FAM168A: variants seen among roughly 807,000 people sequenced by gnomAD.
The protein encoded by FAM168A is family with sequence similarity 168 member A.
A neutral mutation model predicts 28.5 loss-of-function variants in FAM168A; 3 were observed. The ratio of observed to expected loss-of-function variants is 0.11; its 90% confidence interval spans 0.05 to 0.27. The LOEUF (loss-of-function observed/expected upper bound fraction) is 0.27. FAM168A is among the 10% of genes least tolerant of loss of function. The pLI, the probability that FAM168A is intolerant of heterozygous loss-of-function variation, is 1.00. For missense variants in FAM168A, 222 were observed against 311.5 expected (o/e 0.71, Z 2.16); for synonymous variants, 122 against 124.2 (o/e 0.98, Z 0.12).
At position 73,426,755 on chromosome 11, in the gene FAM168A, G is replaced by A. The variant is rs553562934; in HGVS notation, c.151+3935C>T. ...TGTGTAAGTAACTCAAAGGGAAAGG[G>A]ATCTTCCCAAGGTTGCACCAAAATC... On this transcript the variant is annotated intron_variant, in intron 3 of 7. Transcript: ENST00000356467. Among the ~76,000 whole-genome samples, 4 of 146,650 alleles carry A rather than the reference G, an allele frequency of 2.7e-5. No individual in the cohort carries two copies. The East Asian group carries it at 5.9e-4, about 22-fold the overall frequency.
chr11:73,437,791 C>A lies in FAM168A; in HGVS notation c.71-7021G>T, dbSNP rs146279410. Reference sequence around the variant, plus strand: ...TGGTCCTAGTTCTACCCTCACAGAACATGTCTGTTTCCTCTCCTCCTGGAC... The same window carrying A: ...TGGTCCTAGTTCTACCCTCACAGAAAATGTCTGTTTCCTCTCCTCCTGGAC... On this transcript the variant is annotated intron_variant, in intron 2 of 7. Coordinates refer to ENST00000356467, the MANE Select transcript of FAM168A (RefSeq NM_015159.3). Among the ~76,000 whole-genome samples the A allele has an allele frequency of 5.6e-4, 85 of 152,224 alleles. 1 individual carries two copies. In the East Asian group the frequency reaches 0.016, roughly 28 times the overall value.
At chr11:73,521,939 A>G (rs1453534516) in intron 1 of FAM168A, among the ~76,000 whole-genome samples, 2 of 152,236 alleles carry the variant, frequency 1.3e-5, no homozygotes, top group African/African-American at 4.8e-5. Flanking sequence ...TGGGAACAGT[A>G]GAGTTCAACA....
At chr11:73,563,903 AAT>A (rs1244651732) in intron 1 of FAM168A, among the ~76,000 whole-genome samples, 2 of 152,246 alleles carry the variant, frequency 1.3e-5, no homozygotes, top group African/African-American at 2.4e-5. Context: ...TTACTGACTT[AAT>A]TAACTGAGGC....
chr11:73,567,512 C>T (rs918791706), intron 1 of FAM168A, among the ~76,000 whole-genome samples: 1 of 152,144 alleles, frequency 6.6e-6, no homozygotes, highest in African/African-American at 2.4e-5. Flanking sequence ...TTACCCTCTA[C>T]CTATGACTCT....
intron 1 of FAM168A, among the ~76,000 whole-genome samples, chr11:73,476,688 AC>A (rs1867893367): frequency 6.6e-6 from 1 of 152,196 alleles, no homozygotes; most frequent in African/African-American, 2.4e-5. Context: ...TTAAAAAAAA[AC>A]TAAAGAAAAC....
intron 1 of FAM168A, among the ~76,000 whole-genome samples, chr11:73,509,674 T>A (rs561622968): frequency 2.6e-4 from 39 of 152,186 alleles, no homozygotes; most frequent in African/African-American, 8.7e-4. Context: ...AAAAATTAAA[T>A]CCCCAAATCT....
intron 1 of FAM168A, among the ~76,000 whole-genome samples, chr11:73,474,390 T>C (rs1867859802): frequency 6.6e-6 from 1 of 152,058 alleles, no homozygotes; most frequent in Non-Finnish European, 1.5e-5. Flanking sequence ...GCAATGTCTA[T>C]TCACAGGCAC....
chr11:73,505,741 A>G (rs1855104571), intron 1 of FAM168A, among the ~76,000 whole-genome samples: 1 of 152,140 alleles, frequency 6.6e-6, no homozygotes, highest in Non-Finnish European at 1.5e-5. Flanking sequence ...TTTGTGAAGT[A>G]CTTGGTGTAC....
chr11:73,467,716 G>T (rs1240763381), intron 2 of FAM168A, among the ~76,000 whole-genome samples: 3 of 152,202 alleles, frequency 2.0e-5, no homozygotes, highest in African/African-American at 4.8e-5. Context: ...GTTCCCTCTG[G>T]CAGAGGAACT....
intron 1 of FAM168A, among the ~76,000 whole-genome samples, chr11:73,528,028 AC>A (rs2134660428): frequency 6.6e-6 from 1 of 152,328 alleles, no homozygotes; most frequent in South Asian, 2.1e-4. Flanking sequence ...ATGAGAGCAC[AC>A]CTTCATGTCA....
At chr11:73,564,467 A>ATG (rs1389992709) in intron 1 of FAM168A, among the ~76,000 whole-genome samples, 1 of 151,820 alleles carries the variant, frequency 6.6e-6, no homozygotes, top group Non-Finnish European at 1.5e-5. Context: ...GGCCAGGCGC[A>ATG]GTGGCTCACG....
At chr11:73,417,982 C>A (rs1473780556) in intron 4 of FAM168A, among the ~76,000 whole-genome samples, 1 of 152,292 alleles carries the variant, frequency 6.6e-6, no homozygotes, top group Non-Finnish European at 1.5e-5. Flanking sequence ...GACCTATTAC[C>A]TTTCTAGGCC....
At chr11:73,438,078 A>G (rs1867123214) in intron 2 of FAM168A, among the ~76,000 whole-genome samples, 2 of 152,190 alleles carry the variant, frequency 1.3e-5, no homozygotes, top group Admixed American at 1.3e-4. Context: ...GTGAAGGCCT[A>G]AAGTGACTGC....
chr11:73,587,018 G>A (rs560643111), intron 1 of FAM168A, among the ~76,000 whole-genome samples: 8 of 152,034 alleles, frequency 5.3e-5, no homozygotes, highest in Admixed American at 2.0e-4. Context: ...GACAACATCA[G>A]CCATTCCCCC....
At chr11:73,559,164 T>C (rs1378465048) in intron 1 of FAM168A, among the ~76,000 whole-genome samples, 4 of 152,182 alleles carry the variant, frequency 2.6e-5, no homozygotes, top group Non-Finnish European at 5.9e-5. Flanking sequence ...TCCTATCACT[T>C]TGGGACGCCG....
intron 2 of FAM168A, among the ~76,000 whole-genome samples, chr11:73,460,429 C>T (rs1404945079): frequency 1.3e-5 from 2 of 151,630 alleles, no homozygotes; most frequent in Non-Finnish European, 2.9e-5. Flanking sequence ...TGAGAGCCAA[C>T]TCTGTACCAG....
At position 73,574,565 on chromosome 11, in the gene FAM168A, G is replaced by T. The variant is rs79818646; in HGVS notation, c.-19+23358C>A. On this transcript the variant is annotated intron_variant, in intron 1 of 7. Coordinates refer to ENST00000356467, the MANE Select transcript of FAM168A (RefSeq NM_015159.3). ...TATAACATAATGGCACTTGAAGTTG[G>T]CCATCTTTTTTTCTGAGATGGAGTT... Among the ~76,000 whole-genome samples, 1,492 of 152,004 alleles carry T rather than the reference G, an allele frequency of 9.8e-3. 29 individuals are homozygous for T. The highest frequency in any genetic ancestry group is 0.034 in the African/African-American group (1,391 of 41,452).
At chr11:73,536,360 T>A (rs972314372) in intron 1 of FAM168A, among the ~76,000 whole-genome samples, 1 of 152,092 alleles carries the variant, frequency 6.6e-6, no homozygotes, top group African/African-American at 2.4e-5. Context: ...GTGAATCATA[T>A]CAGGTGAACC....
intron 2 of FAM168A, among the ~76,000 whole-genome samples, chr11:73,444,509 A>AT (rs1400437847): frequency 1.3e-5 from 2 of 152,220 alleles, no homozygotes; most frequent in African/African-American, 4.8e-5. Context: ...AATACAGGTA[A>AT]TTTTTTGTAT....
Sources: allele counts gnomAD v4.1 joint callset (sites outside exome capture counted in the v4.1 genomes callset), GRCh38; gene constraint gnomAD v4.1.1; transcripts MANE v1.5; gene names NCBI Gene and HGNC (gene_info 2026-07-23, HGNC 2026-07-21).